Variants in INTU observed in about 807,000 individuals in gnomAD.
INTU encodes inturned planar cell polarity protein, also known as protein inturned.
Under a neutral mutation model 100.5 loss-of-function variants are expected in INTU, and 68 were observed. That is an observed-to-expected ratio of 0.68 (90% CI 0.56 to 0.83). INTU has a LOEUF of 0.83. INTU is among the 40% of genes least tolerant of loss of function. The pLI is 0.00. For synonymous variants in INTU, 357 were observed against 395.7 expected (o/e 0.90, Z 1.16); for missense variants, 1,071 against 1,114.7 (o/e 0.96, Z 0.56).
chr4:127,650,555 A>C (rs554015513), intron 2 of INTU, among the ~76,000 whole-genome samples: 2 of 151,940 alleles, frequency 1.3e-5, no homozygotes, highest in Non-Finnish European at 2.9e-5. Flanking sequence ...TGAACTCATC[A>C]TTTTTTATGG....
At chr4:127,698,198 C>T (rs924785802) in intron 8 of INTU, among the ~76,000 whole-genome samples, 1 of 152,016 alleles carries the variant, frequency 6.6e-6, no homozygotes, top group African/African-American at 2.4e-5. Flanking sequence ...TTTGGGAGTA[C>T]ACACCTGTAA....
intron 6 of INTU, among the ~76,000 whole-genome samples, chr4:127,674,421 A>G (rs764373970): frequency 1.3e-5 from 2 of 152,218 alleles, no homozygotes; most frequent in Non-Finnish European, 2.9e-5. Flanking sequence ...GCCAGTTAGT[A>G]AGGGTGGGGC....
At chr4:127,656,522 A>G (rs1016955898) in intron 2 of INTU, 114 bp from the exon 3 acceptor site, 12 of 690,908 alleles carry the variant, frequency 1.7e-5, no homozygotes, top group Middle Eastern at 2.7e-4. Flanking sequence ...TGTCTGCACC[A>G]GATTTCTCAC....
At chr4:127,692,447 T>G (rs984959913) in intron 8 of INTU, among the ~76,000 whole-genome samples, 1 of 152,228 alleles carries the variant, frequency 6.6e-6, no homozygotes, top group Non-Finnish European at 1.5e-5. Flanking sequence ...GTTTGTTTTT[T>G]TCTTGCTGAT....
intron 3 of INTU, among the ~76,000 whole-genome samples, chr4:127,659,320 A>G (rs1217652847): frequency 6.6e-6 from 1 of 152,204 alleles, no homozygotes; most frequent in African/African-American, 2.4e-5. Flanking sequence ...AACTTAAAAA[A>G]TACATATAGA....
chr4:127,712,107 G>A (rs1731117004), intron 14 of INTU, among the ~76,000 whole-genome samples: 1 of 152,186 alleles, frequency 6.6e-6, no homozygotes, highest in African/African-American at 2.4e-5. Flanking sequence ...TGTTAGGGAT[G>A]CCAAATTTGT....
Position 127,643,501 on chromosome 4 carries a change from A to G in INTU, c.147-20A>G, listed in dbSNP as rs766904984. ...TATATATTGGGCTGCTATTAAGATT[A>G]TCTTTTCTCTCTTTCATAGTGATCT... On this transcript the variant is annotated intron_variant, in intron 1 of 15. Coordinates refer to ENST00000335251, the MANE Select transcript of INTU (RefSeq NM_015693.4). 1.3e-6 allele frequency: 2 copies of G among 1,553,632 alleles called. No homozygotes were observed. Among genetic ancestry groups the G allele is most frequent in the Non-Finnish European group, 1.7e-6 (2 of 1,155,726 alleles).
At chr4:127,663,288 C>G (rs1394055371) in intron 3 of INTU, 93 bp from the exon 4 acceptor site, 6 of 821,698 alleles carry the variant, frequency 7.3e-6, no homozygotes, top group East Asian at 5.3e-5. Context: ...CTGTACATAC[C>G]TGGGTGTATG....
chr4:127,650,040 G>A (rs187169562), intron 2 of INTU, among the ~76,000 whole-genome samples: 6 of 152,080 alleles, frequency 3.9e-5, no homozygotes, highest in Admixed American at 2.6e-4. Flanking sequence ...TAAAGTACAC[G>A]GAAAAGGAAA....
chr4:127,645,368 A>T (rs1383711597), intron 2 of INTU, among the ~76,000 whole-genome samples: 3 of 152,048 alleles, frequency 2.0e-5, no homozygotes, highest in Admixed American at 2.0e-4. Flanking sequence ...GATCCAGCTG[A>T]TAGCCCCAAC....
chr4:127,647,552 A>G (rs566325145), intron 2 of INTU, among the ~76,000 whole-genome samples: 2 of 152,330 alleles, frequency 1.3e-5, no homozygotes, highest in Non-Finnish European at 2.9e-5. Flanking sequence ...CTTTTAAGTT[A>G]ATTACAACTG....
intron 12 of INTU, among the ~76,000 whole-genome samples, chr4:127,707,392 C>CAAAAAAAAAAAA (rs71587331): frequency 2.2e-5 from 1 of 44,582 alleles, no homozygotes; most frequent in Non-Finnish European, 3.8e-5. Flanking sequence ...GACTCTGTCT[C>CAAAAAAAAAAAA]AAAAAAAAAA....
chr4:127,721,963 C>T lies in INTU; in HGVS notation c.*5527C>T, dbSNP rs1451544190. ...TTTCCCATCTTGGATGGATGATTGACATTCATCCATCTCAGCCTCAGCCCA... is the reference window on the plus strand; with the variant it reads ...TTTCCCATCTTGGATGGATGATTGATATTCATCCATCTCAGCCTCAGCCCA... On this transcript the variant is annotated 3_prime_UTR_variant, in exon 16 of 16. Coordinates refer to ENST00000335251, the MANE Select transcript of INTU (RefSeq NM_015693.4). The T allele has an allele frequency of 6.6e-6, 1 of 152,218 alleles. No homozygotes were observed. Among genetic ancestry groups the T allele is most frequent in the East Asian group, 1.9e-4 (1 of 5,198 alleles). 9.4% of individuals were successfully genotyped at this position (152,218 alleles called of 1,614,324 possible). A position where few individuals can be genotyped will look rare whatever the true frequency, so the allele number is the denominator to read the frequency against.
intron 2 of INTU, among the ~76,000 whole-genome samples, chr4:127,650,670 G>T (rs1470103112): frequency 2.0e-5 from 3 of 151,504 alleles, no homozygotes; most frequent in East Asian, 1.9e-4. Context: ...GAATAATGCC[G>T]CAATAAACAT....
intron 8 of INTU, among the ~76,000 whole-genome samples, chr4:127,691,331 A>T (rs1399437690): frequency 6.6e-6 from 1 of 152,178 alleles, no homozygotes; most frequent in Non-Finnish European, 1.5e-5. Flanking sequence ...GTTTTGTAAG[A>T]AACTACCAAA....
In INTU at chr4:127,643,510, CTCTT is replaced by C; in HGVS notation, c.147-8_147-5del. 1 of 1,560,134 alleles carries C rather than the reference CTCTT, an allele frequency of 6.4e-7. No homozygotes were observed. The highest frequency in any genetic ancestry group is 8.6e-7 in the Non-Finnish European group (1 of 1,159,552). ...GGCTGCTATTAAGATTATCTTTTCT[CTCTT>C]TCATAGTGATCTTGAGCCTGAATGG... is the stretch of plus-strand genomic sequence containing the variant. On this transcript the variant is annotated splice_polypyrimidine_tract_variant and splice_region_variant and intron_variant, in intron 1 of 15. Transcript: ENST00000335251.
At chr4:127,677,283 G>C (rs1178818150) in intron 6 of INTU, among the ~76,000 whole-genome samples, 1 of 151,950 alleles carries the variant, frequency 6.6e-6, no homozygotes, top group Non-Finnish European at 1.5e-5. Context: ...ATCTGAGAAT[G>C]GGCAGACTGC....
chr4:127,680,100 T>G (rs1352012866), intron 6 of INTU, among the ~76,000 whole-genome samples: 1 of 152,124 alleles, frequency 6.6e-6, no homozygotes, highest in Non-Finnish European at 1.5e-5. Flanking sequence ...TCTGAAATGG[T>G]GGCAATAATC....
chr4:127,725,274 C>T lies in INTU; in HGVS notation c.*8838C>T, dbSNP rs1731401446. 1 of 152,164 alleles carries T rather than the reference C, an allele frequency of 6.6e-6. No homozygotes were observed. Among genetic ancestry groups the T allele is most frequent in the Non-Finnish European group, 1.5e-5 (1 of 68,082 alleles). 9.4% of individuals were successfully genotyped at this position (152,164 alleles called of 1,614,324 possible). ...GTGAGCCTAGCTCGTGCCACTGCCACTCCAGCCTGGGCAACAGAACGAGGC... is the reference window on the plus strand; with the variant it reads ...GTGAGCCTAGCTCGTGCCACTGCCATTCCAGCCTGGGCAACAGAACGAGGC... On this transcript the variant is annotated 3_prime_UTR_variant, in exon 16 of 16. Coordinates refer to ENST00000335251, the MANE Select transcript of INTU (RefSeq NM_015693.4).
Sources: gnomAD v4.1 joint callset for allele counts (sites outside exome capture counted in the v4.1 genomes callset) on GRCh38, gnomAD v4.1.1 for gene constraint, MANE v1.5 for transcripts, NCBI Gene and HGNC (gene_info 2026-07-23, HGNC 2026-07-21) for gene names.